ARHGAP44: variants seen among roughly 807,000 people sequenced by gnomAD.
ARHGAP44 encodes the protein rho GTPase-activating protein 44.
A neutral mutation model predicts 106.8 loss-of-function variants in ARHGAP44; 43 were observed. The observed-to-expected ratio is 0.40, with a 90% CI of 0.32 to 0.52. The LOEUF (loss-of-function observed/expected upper bound fraction) is 0.52, where lower values mean the gene tolerates loss of function less well. Among genes scored for constraint, ARHGAP44 ranks in the 20% least tolerant of loss-of-function variants. The pLI is 0.48. For synonymous variants in ARHGAP44, 439 were observed against 410.3 expected, an observed-to-expected ratio of 1.07 and a Z score of -0.85; for missense variants, 866 against 1,050.5, an observed-to-expected ratio of 0.82 and a Z score of 2.43.
At position 12,990,240 on chromosome 17, in the gene ARHGAP44, G is replaced by A. The variant is rs907511243; in HGVS notation, c.*69G>A. Reference sequence around the variant, plus strand: ...CCCTAGGAACGCCGCCAGGAGCAGCGTCCATGAGCTTGCCAAGTGTTCTCT... The same window carrying A: ...CCCTAGGAACGCCGCCAGGAGCAGCATCCATGAGCTTGCCAAGTGTTCTCT... On this transcript the variant is annotated 3_prime_UTR_variant, in exon 21 of 21. Coordinates refer to ENST00000379672, the MANE Select transcript of ARHGAP44 (RefSeq NM_014859.6). 1.6e-5 allele frequency: 24 copies of A among 1,540,724 alleles called. No individual in the cohort carries two copies. Among genetic ancestry groups the A allele is most frequent in the Admixed American group, 3.7e-5 (2 of 54,312 alleles).
chr17:12,954,693 A>G (rs1019107317), intron 13 of ARHGAP44, among the ~76,000 whole-genome samples: 3 of 152,012 alleles, frequency 2.0e-5, no homozygotes, highest in East Asian at 1.9e-4. Context: ...CTGAGAGGCC[A>G]GAGAAAACAT....
intron 18 of ARHGAP44, among the ~76,000 whole-genome samples, chr17:12,979,537 A>G (rs921546650): frequency 2.0e-5 from 3 of 152,168 alleles, no homozygotes; most frequent in African/African-American, 7.2e-5. Context: ...GATGAGTCCT[A>G]GAATCCCTCC....
intron 7 of ARHGAP44, among the ~76,000 whole-genome samples, chr17:12,935,232 G>A (rs539445263): frequency 6.6e-6 from 1 of 152,278 alleles, no homozygotes; most frequent in East Asian, 1.9e-4. Flanking sequence ...ATTTACTTAT[G>A]ATAACAATAA....
At chr17:12,886,418 G>T (rs2322655) in intron 1 of ARHGAP44, among the ~76,000 whole-genome samples, 8,829 of 152,192 alleles carry the variant, frequency 0.058, 840 homozygotes, top group African/African-American at 0.2. Flanking sequence ...TTGGGGAGAA[G>T]TGATATCTTT....
intron 1 of ARHGAP44, among the ~76,000 whole-genome samples, chr17:12,808,314 G>A (rs1307878838): frequency 6.6e-6 from 1 of 152,268 alleles, no homozygotes; most frequent in Non-Finnish European, 1.5e-5. Flanking sequence ...CAGTGCCCCA[G>A]TGGGCACTCT....
rs1002450101 is a variant in ARHGAP44, at chr17:12,949,286, G to A, written c.973+35G>A. On this transcript the variant is annotated intron_variant, in intron 11 of 20. Transcript: ENST00000379672. The surrounding 1 kb of genome is among the most constrained non-coding windows in gnomAD (Gnocchi z 4.1). ...TCTCAGCGCTCCTGTGTGCCATGGA[G>A]GCTCACAGGGAAGGGGTAGAGGGGA... 1.3e-6 allele frequency: 2 copies of A among 1,541,868 alleles called. No homozygotes were observed. The highest frequency in any genetic ancestry group is 2.4e-5 in the South Asian group (2 of 83,868).
At chr17:12,963,786 G>C (rs992846657) in intron 16 of ARHGAP44, among the ~76,000 whole-genome samples, 2 of 151,000 alleles carry the variant, frequency 1.3e-5, no homozygotes, top group African/African-American at 4.9e-5. Context: ...TAAGTTTTAG[G>C]GTAGTTTGTT....
chr17:12,975,489 A>G (rs568649142), intron 18 of ARHGAP44, among the ~76,000 whole-genome samples: 1 of 152,182 alleles, frequency 6.6e-6, no homozygotes, highest in South Asian at 2.1e-4. Context: ...ATTAACTGAT[A>G]ACTTTCTCTT....
intron 6 of ARHGAP44, among the ~76,000 whole-genome samples, chr17:12,923,297 A>G (rs1598060783): frequency 6.6e-6 from 1 of 151,002 alleles, no homozygotes; most frequent in Non-Finnish European, 1.5e-5. Context: ...TGCAACCTCC[A>G]CCTCCCAGGT....
At chr17:12,966,155 C>CAAAAAAAAAAAAAAAAAAAA (rs34324286) in intron 16 of ARHGAP44, among the ~76,000 whole-genome samples, 1 of 116,746 alleles carries the variant, frequency 8.6e-6, no homozygotes. Context: ...CACGCTGTCT[C>CAAAAAAAAAAAAAAAAAAAA]AAAAAAAAAA....
Position 12,789,617 on chromosome 17 carries a change from C to G in ARHGAP44, c.-222C>G. On this transcript the variant is annotated 5_prime_UTR_variant, in exon 1 of 21. Coordinates refer to ENST00000379672, the MANE Select transcript of ARHGAP44 (RefSeq NM_014859.6). ...GCATTGCTCTGCCCCGGGCATTGCG[C>G]GGCGCGCGTGAGGGGGATGCGGCAG... The G allele has an allele frequency of 9.3e-6, 3 of 321,392 alleles. No homozygotes were observed. Among genetic ancestry groups the G allele is most frequent in the Non-Finnish European group, 1.7e-5 (3 of 178,216 alleles). 19.9% of individuals were successfully genotyped at this position (321,392 alleles called of 1,614,324 possible).
intron 1 of ARHGAP44, among the ~76,000 whole-genome samples, chr17:12,841,333 TCATGCTTGTAATTCTAA>T (rs1037856044): frequency 6.6e-6 from 1 of 151,944 alleles, no homozygotes; most frequent in African/African-American, 2.4e-5. Flanking sequence ...GCATGGTGGC[TCATGCTTGTAATTCTAA>T]CATTTTGGGA....
chr17:12,938,281 A>T (rs2038605998), intron 7 of ARHGAP44, among the ~76,000 whole-genome samples: 1 of 152,230 alleles, frequency 6.6e-6, no homozygotes, highest in Non-Finnish European at 1.5e-5. Context: ...TAATTTGATT[A>T]ATACTGTAGT....
intron 18 of ARHGAP44, among the ~76,000 whole-genome samples, chr17:12,976,843 T>C (rs573846134): frequency 6.6e-6 from 1 of 151,938 alleles, no homozygotes; most frequent in Non-Finnish European, 1.5e-5. Flanking sequence ...AGAAGCAGAG[T>C]CTGAGAGTGG....
Position 12,958,857 on chromosome 17 carries a change from G to A in ARHGAP44, c.1483G>A (p.Ala495Thr), listed in dbSNP as rs761544280. The change falls in exon 16 of 21, where the codon GCC becomes ACC. Residue 495 changes from alanine (A) to threonine (T), a missense_variant. By Grantham distance (58) the Ala-to-Thr change is moderately conservative. Coordinates refer to ENST00000379672, the MANE Select transcript of ARHGAP44 (RefSeq NM_014859.6). This position sits in a 1 kb window ranked among gnomAD's most constrained non-coding sequence, Gnocchi z 4.1. ...PEQARRPLSV[A>T]TDNMMLEFYK... ...GCAGGCCCGCCGGCCCCTCAGCGTCGCCACGGATAATATGATGCTGGAGTT... is the reference window on the plus strand; with the variant it reads ...GCAGGCCCGCCGGCCCCTCAGCGTCACCACGGATAATATGATGCTGGAGTT... 4 of 1,611,474 alleles carry A rather than the reference G, an allele frequency of 2.5e-6. No homozygotes were observed. Among genetic ancestry groups the A allele is most frequent in the Non-Finnish European group, 3.4e-6 (4 of 1,178,864 alleles).
chr17:12,808,210 G>A (rs2034335109), intron 1 of ARHGAP44, among the ~76,000 whole-genome samples: 2 of 152,196 alleles, frequency 1.3e-5, no homozygotes, highest in South Asian at 4.1e-4. Flanking sequence ...CTAGCATTGA[G>A]TGCAGCTTTT....
At chr17:12,946,954 G>C (rs555215587) in intron 10 of ARHGAP44, among the ~76,000 whole-genome samples, 1 of 152,220 alleles carries the variant, frequency 6.6e-6, no homozygotes, top group African/African-American at 2.4e-5. Context: ...TTCCTCAACA[G>C]ACCTCGCTCT....
chr17:12,846,081 A>G lies in ARHGAP44; in HGVS notation c.54-48859A>G, dbSNP rs536216441. Among the ~76,000 whole-genome samples the G allele has an allele frequency of 4.1e-3, 591 of 144,980 alleles. 8 individuals carry two copies. The highest frequency in any genetic ancestry group is 0.016 in the African/African-American group (572 of 35,786). On this transcript the variant is annotated intron_variant, in intron 1 of 20. Transcript: ENST00000379672. ...CCGTTATGAGGAAGGTGATATAGTG[A>G]GGAGGGTGGTTTCCAGGAAAAAAAA...
chr17:12,958,403 C>T lies in ARHGAP44; in HGVS notation c.1343-314C>T, dbSNP rs1022953199. Among the ~76,000 whole-genome samples the T allele has an allele frequency of 1.3e-4, 19 of 151,908 alleles. No homozygotes were observed. The highest frequency in any genetic ancestry group is 4.1e-4 in the African/African-American group (17 of 41,336). On this transcript the variant is annotated intron_variant, in intron 15 of 20. Coordinates refer to ENST00000379672, the MANE Select transcript of ARHGAP44 (RefSeq NM_014859.6). This position sits in a 1 kb window ranked among gnomAD's most constrained non-coding sequence, Gnocchi z 4.1. ...CTCCTGATTAGTTTAGGACAGCTGT[C>T]GGCTTTCAGTCTTAAGCATGAGGTT...
Sources: gnomAD v4.1 joint callset for allele counts (sites outside exome capture counted in the v4.1 genomes callset) on GRCh38, gnomAD v4.1.1 for gene constraint, Gnocchi (gnomAD v3.1) non-coding constraint, MANE v1.5 for transcripts, NCBI Gene and HGNC (gene_info 2026-07-23, HGNC 2026-07-21) for gene names.